NTNG2: variants seen among roughly 807,000 people sequenced by gnomAD.
The protein encoded by NTNG2 is netrin-G2.
A neutral mutation model predicts 47.6 loss-of-function variants in NTNG2; 15 were observed. The observed-to-expected ratio is 0.32, with a 90% CI of 0.21 to 0.49. The LOEUF (loss-of-function observed/expected upper bound fraction) is 0.49. Ranked by LOEUF, NTNG2 falls within the 20% of genes least tolerant of loss-of-function variation. NTNG2 has a pLI of 0.99. For synonymous variants in NTNG2, 307 were observed against 324.6 expected, an observed-to-expected ratio of 0.95 and a Z score of 0.58; for missense variants, 578 against 764.6, an observed-to-expected ratio of 0.76 and a Z score of 2.88.
Position 132,174,305 on chromosome 9 carries a change from G to A in NTNG2, c.213+7261G>A, listed in dbSNP as rs80354363. ...AGACAGGCAGGCCGCACCATGCTGC[G>A]GATGAGACGGACGGACGGACGGACA... is the stretch of plus-strand genomic sequence containing the variant. On this transcript the variant is annotated intron_variant, in intron 2 of 7. Coordinates refer to ENST00000393229, the MANE Select transcript of NTNG2 (RefSeq NM_032536.4). Among the ~76,000 whole-genome samples, 434 of 129,352 alleles carry A rather than the reference G, an allele frequency of 3.4e-3. 4 individuals are homozygous for A. Among genetic ancestry groups the A allele is most frequent in the South Asian group, 0.011 (44 of 3,880 alleles). The allele number at this position is 129,352 out of a possible 152,430, so 84.9% of individuals were successfully genotyped here.
At chr9:132,190,827 C>G (rs1222740184) in intron 2 of NTNG2, among the ~76,000 whole-genome samples, 1 of 152,242 alleles carries the variant, frequency 6.6e-6, no homozygotes, top group African/African-American at 2.4e-5. Flanking sequence ...GGCTCCTCCT[C>G]ACCCGGTTCT....
chr9:132,210,240 T>C (rs1589476072), intron 3 of NTNG2, among the ~76,000 whole-genome samples: 1 of 152,090 alleles, frequency 6.6e-6, no homozygotes, highest in African/African-American at 2.4e-5. Context: ...CAGGCCTCAG[T>C]TTCCCCACCT....
At chr9:132,216,973 C>T (rs975138200) in intron 3 of NTNG2, among the ~76,000 whole-genome samples, 3 of 152,172 alleles carry the variant, frequency 2.0e-5, no homozygotes, top group Admixed American at 1.3e-4. Flanking sequence ...TGGCCCCTTT[C>T]CTGGCCTTCT....
At chr9:132,220,553 G>A (rs1840285575) in intron 3 of NTNG2, among the ~76,000 whole-genome samples, 1 of 151,034 alleles carries the variant, frequency 6.6e-6, no homozygotes, top group Non-Finnish European at 1.5e-5. Context: ...CTGGGTTCAA[G>A]TGATTCTCAT....
intron 1 of NTNG2, among the ~76,000 whole-genome samples, chr9:132,165,874 G>A (rs1033092005): frequency 3.3e-5 from 5 of 152,314 alleles, no homozygotes; most frequent in South Asian, 2.1e-4. Flanking sequence ...AAATAACCCA[G>A]TTTTCTCGGG....
chr9:132,167,607 C>T (rs1036872447), intron 2 of NTNG2, among the ~76,000 whole-genome samples: 3 of 152,184 alleles, frequency 2.0e-5, no homozygotes, highest in African/African-American at 7.2e-5. Flanking sequence ...CTGGGACAGA[C>T]AGTGCAGCTT....
intron 2 of NTNG2, among the ~76,000 whole-genome samples, chr9:132,177,326 C>G (rs1199969744): frequency 6.6e-6 from 1 of 152,104 alleles, no homozygotes; most frequent in Non-Finnish European, 1.5e-5. Flanking sequence ...GTATTTTTTT[C>G]TTTTGTTGCT....
rs1269594838 is a variant in NTNG2 at position 132,176,360 on chromosome 9, CT to C, written c.213+9317del. Among the ~76,000 whole-genome samples the C allele has an allele frequency of 1.3e-4, 20 of 152,346 alleles. No homozygotes were observed. The East Asian group carries it at 3.9e-3, about 29-fold the overall frequency. ...GTTAGTTACTCCCCATCTCCTTCCCCTGCCCCTGAAAACCACGCGTCTACTT... is the reference window on the plus strand; with the variant it reads ...GTTAGTTACTCCCCATCTCCTTCCCCGCCCCTGAAAACCACGCGTCTACTT... On this transcript the variant is annotated intron_variant, in intron 2 of 7. Transcript: ENST00000393229.
At position 132,203,993 on chromosome 9, in the gene NTNG2, C is replaced by A. The variant is rs7044350; in HGVS notation, c.857+5384C>A. 1.5e-3 allele frequency among the ~76,000 whole-genome samples: 225 copies of A among 152,268 alleles called. 2 individuals are homozygous for A. Among genetic ancestry groups the A allele is most frequent in the African/African-American group, 5.2e-3 (217 of 41,548 alleles). On this transcript the variant is annotated intron_variant, in intron 3 of 7. Coordinates refer to ENST00000393229, the MANE Select transcript of NTNG2 (RefSeq NM_032536.4). ...GGAGATGATGAAGGGAGGTCCTTTGCACCAAATTAAGGTCTTGTGTGCCCA... is the reference window on the plus strand; with the variant it reads ...GGAGATGATGAAGGGAGGTCCTTTGAACCAAATTAAGGTCTTGTGTGCCCA...
Position 132,226,056 on chromosome 9 carries a change from A to G in NTNG2, c.858-793A>G. Among the ~76,000 whole-genome samples the G allele has an allele frequency of 6.6e-6, 1 of 152,072 alleles. No homozygotes were observed. The highest frequency in any genetic ancestry group is 1.5e-5 in the Non-Finnish European group (1 of 68,020). ...GACGCTCACTGTCTGCTGGCCTCTC[A>G]GTGGGAAGTTCTGGGCTGGTGCGGC... On this transcript the variant is annotated intron_variant, in intron 3 of 7. Coordinates refer to ENST00000393229, the MANE Select transcript of NTNG2 (RefSeq NM_032536.4). The surrounding 1 kb of genome is among the most constrained non-coding windows in gnomAD (Gnocchi z 4.8).
chr9:132,165,843 G>A (rs1395159633), intron 1 of NTNG2, among the ~76,000 whole-genome samples: 1 of 152,192 alleles, frequency 6.6e-6, no homozygotes, highest in African/African-American at 2.4e-5. Flanking sequence ...ATCTCCAAAT[G>A]TGCAACTCTG....
chr9:132,173,654 G>A (rs1055988508), intron 2 of NTNG2, among the ~76,000 whole-genome samples: 3 of 151,832 alleles, frequency 2.0e-5, no homozygotes, highest in African/African-American at 7.3e-5. Flanking sequence ...ATGGACAGAC[G>A]AACGGACAGA....
intron 3 of NTNG2, among the ~76,000 whole-genome samples, chr9:132,211,792 C>T (rs992136337): frequency 6.6e-5 from 10 of 152,152 alleles, no homozygotes; most frequent in Admixed American, 1.3e-4. Flanking sequence ...TAGCTATGCA[C>T]GTACACGTCT....
intron 4 of NTNG2, among the ~76,000 whole-genome samples, chr9:132,229,080 C>T (rs1841004939): frequency 2.0e-5 from 3 of 152,130 alleles, no homozygotes; most frequent in East Asian, 3.9e-4. Flanking sequence ...CTGGCCCCAC[C>T]TCCTGCTTCC....
At chr9:132,164,351 G>C (rs1490341722) in intron 1 of NTNG2, among the ~76,000 whole-genome samples, 2 of 152,090 alleles carry the variant, frequency 1.3e-5, no homozygotes, top group East Asian at 3.9e-4. Flanking sequence ...GCCTCCCCGC[G>C]CCCGGCGGCG....
rs933174 is a variant in NTNG2 at position 132,236,183 on chromosome 9, T to A, written c.1055-2921T>A. On this transcript the variant is annotated intron_variant, in intron 5 of 7. Coordinates refer to ENST00000393229, the MANE Select transcript of NTNG2 (RefSeq NM_032536.4). This position sits in a 1 kb window ranked among gnomAD's most constrained non-coding sequence, Gnocchi z 4.3. ...TGAGACCTCGGAGGGTGGACTGTGG[T>A]GGGTGAAGGGAGAAGGCAGCACATT... 6.6e-6 allele frequency among the ~76,000 whole-genome samples: 1 copy of A among 151,890 alleles called. No homozygotes were observed. The highest frequency in any genetic ancestry group is 1.5e-5 in the Non-Finnish European group (1 of 67,922).
At chr9:132,207,263 T>G (rs7046069) in intron 3 of NTNG2, among the ~76,000 whole-genome samples, 2 of 152,108 alleles carry the variant, frequency 1.3e-5, no homozygotes, top group Non-Finnish European at 2.9e-5. Context: ...CCTCCATAAC[T>G]AAGTACCACT....
At chr9:132,165,678 C>G (rs552799635) in intron 1 of NTNG2, among the ~76,000 whole-genome samples, 1 of 152,298 alleles carries the variant, frequency 6.6e-6, no homozygotes, top group East Asian at 1.9e-4. Flanking sequence ...CTTTGACATT[C>G]TGACTTGACA....
intron 2 of NTNG2, among the ~76,000 whole-genome samples, chr9:132,188,502 C>G (rs927641461): frequency 2.6e-5 from 4 of 152,232 alleles, no homozygotes; most frequent in Non-Finnish European, 4.4e-5. Flanking sequence ...GCCGCATGAC[C>G]CTGCGACATT....
Sources: gnomAD v4.1 joint callset for allele counts (sites outside exome capture counted in the v4.1 genomes callset) on GRCh38, gnomAD v4.1.1 for gene constraint, Gnocchi (gnomAD v3.1) non-coding constraint, MANE v1.5 for transcripts, NCBI Gene and HGNC (gene_info 2026-07-23, HGNC 2026-07-21) for gene names.